SUPT3H: variants seen among roughly 807,000 people sequenced by gnomAD.
SUPT3H encodes the protein transcription initiation protein SPT3 homolog.
In SUPT3H, 44 loss-of-function variants were observed where a neutral mutation model predicts 44.3. The ratio of observed to expected loss-of-function variants is 0.99; its 90% confidence interval spans 0.78 to 1.28. SUPT3H has a LOEUF of 1.28. SUPT3H is among the 50% of genes most tolerant of loss of function. SUPT3H has a pLI of 0.00. For missense variants in SUPT3H, 380 were observed against 387.1 expected (o/e 0.98, Z 0.15); for synonymous variants, 124 against 125.6 (o/e 0.99, Z 0.09).
chr6:45,257,779 G>A (rs980764154), intron 2 of SUPT3H, among the ~76,000 whole-genome samples: 8 of 152,064 alleles, frequency 5.3e-5, no homozygotes, highest in African/African-American at 9.7e-5. Flanking sequence ...AAGCCCTGAT[G>A]GCCTCATCAC....
chr6:44,894,770 T>C (rs1488474856), intron 10 of SUPT3H, among the ~76,000 whole-genome samples: 1 of 151,678 alleles, frequency 6.6e-6, no homozygotes, highest in Non-Finnish European at 1.5e-5. Flanking sequence ...AAAATATGTA[T>C]TTTGAGAAAA....
At chr6:45,211,221 T>C (rs1293794866) in intron 2 of SUPT3H, among the ~76,000 whole-genome samples, 1 of 152,214 alleles carries the variant, frequency 6.6e-6, no homozygotes, top group African/African-American at 2.4e-5. Context: ...TTTTTATAAA[T>C]GTAAGTAAAC....
At chr6:45,176,896 A>G (rs1297576432) in intron 2 of SUPT3H, among the ~76,000 whole-genome samples, 1 of 116,818 alleles carries the variant, frequency 8.6e-6, no homozygotes, top group Non-Finnish European at 1.7e-5. Flanking sequence ...CAGAAGGGAC[A>G]TCCACACCAA....
intron 2 of SUPT3H, among the ~76,000 whole-genome samples, chr6:45,112,897 C>T (rs570889905): frequency 1.3e-5 from 2 of 151,116 alleles, no homozygotes; most frequent in Non-Finnish European, 2.9e-5. Context: ...GCTACAGACT[C>T]TAATGTGGTT....
chr6:45,264,675 A>G (rs549324767), intron 2 of SUPT3H, among the ~76,000 whole-genome samples: 2 of 152,282 alleles, frequency 1.3e-5, no homozygotes, highest in Admixed American at 1.3e-4. Flanking sequence ...TAAAATAAAT[A>G]AAACATCACT....
At chr6:44,909,643 A>C (rs1766698542) in intron 10 of SUPT3H, among the ~76,000 whole-genome samples, 1 of 152,138 alleles carries the variant, frequency 6.6e-6, no homozygotes. Context: ...CTTTTCAACC[A>C]CTATGGCACC....
intron 2 of SUPT3H, among the ~76,000 whole-genome samples, chr6:45,293,448 C>T (rs1780620706): frequency 6.6e-6 from 1 of 151,750 alleles, no homozygotes; most frequent in African/African-American, 2.4e-5. Flanking sequence ...AAGAACAAAC[C>T]AAACCCAAGC....
At chr6:45,007,737 CTTT>C (rs940243414) in intron 5 of SUPT3H, among the ~76,000 whole-genome samples, 2 of 142,568 alleles carry the variant, frequency 1.4e-5, no homozygotes. Context: ...TTCCCCCCCA[CTTT>C]TTTTTTTTTT....
intron 2 of SUPT3H, among the ~76,000 whole-genome samples, chr6:45,196,531 T>G (rs1162030309): frequency 6.6e-6 from 1 of 152,058 alleles, no homozygotes; most frequent in African/African-American, 2.4e-5. Flanking sequence ...TGAAAGACTT[T>G]CATTATGCAA....
At chr6:44,862,593 G>C (rs1012337439) in intron 10 of SUPT3H, among the ~76,000 whole-genome samples, 1 of 150,482 alleles carries the variant, frequency 6.6e-6, no homozygotes, top group East Asian at 2.0e-4. Flanking sequence ...AGGGAGAATT[G>C]CTTGAACAAG....
chr6:45,345,086 C>T (rs1184923877), intron 2 of SUPT3H, among the ~76,000 whole-genome samples: 3 of 152,156 alleles, frequency 2.0e-5, no homozygotes, highest in Non-Finnish European at 4.4e-5. Flanking sequence ...AAACTACCCA[C>T]TCATCTGCGC....
At chr6:45,275,404 T>A (rs1356566641) in intron 2 of SUPT3H, among the ~76,000 whole-genome samples, 1 of 152,246 alleles carries the variant, frequency 6.6e-6, no homozygotes, top group Non-Finnish European at 1.5e-5. Flanking sequence ...TTATGACATA[T>A]TTCTAAATTT....
At chr6:45,133,179 TA>T (rs1280019447) in intron 2 of SUPT3H, among the ~76,000 whole-genome samples, 5 of 152,214 alleles carry the variant, frequency 3.3e-5, no homozygotes, top group Non-Finnish European at 7.4e-5. Context: ...ATCAAAGTTC[TA>T]AACTTGTGGG....
intron 2 of SUPT3H, among the ~76,000 whole-genome samples, chr6:45,126,908 TA>T (rs1021229801): frequency 2.0e-5 from 3 of 152,094 alleles, no homozygotes; most frequent in Admixed American, 6.6e-5. Flanking sequence ...AAAGCTTGCC[TA>T]AAAAAAATTA....
intron 10 of SUPT3H, among the ~76,000 whole-genome samples, chr6:44,849,040 A>G (rs886919603): frequency 3.9e-5 from 6 of 152,182 alleles, no homozygotes; most frequent in African/African-American, 1.4e-4. Flanking sequence ...GCTAAGTCAT[A>G]GCTGAAGCAC....
At chr6:44,888,841 T>C (rs575132140) in intron 10 of SUPT3H, among the ~76,000 whole-genome samples, 8 of 151,046 alleles carry the variant, frequency 5.3e-5, no homozygotes, top group African/African-American at 1.9e-4. Flanking sequence ...TGTTTGCAGA[T>C]GACATGATTG....
intron 2 of SUPT3H, among the ~76,000 whole-genome samples, chr6:45,186,506 G>A (rs1441842984): frequency 2.0e-5 from 3 of 152,164 alleles, no homozygotes; most frequent in East Asian, 1.9e-4. Context: ...AAATGAACTC[G>A]CTGGATGCAC....
At chr6:45,069,402 G>T (rs1794020449) in intron 3 of SUPT3H, among the ~76,000 whole-genome samples, 1 of 152,132 alleles carries the variant, frequency 6.6e-6, no homozygotes, top group Non-Finnish European at 1.5e-5. Context: ...TCATCACCTG[G>T]TCTAATTTTA....
chr6:45,152,138 A>T (rs974434824), intron 2 of SUPT3H, among the ~76,000 whole-genome samples: 2 of 152,150 alleles, frequency 1.3e-5, no homozygotes, highest in East Asian at 3.9e-4. Context: ...TTGGTATCAT[A>T]AACAGAACAC....
Sources: allele counts gnomAD v4.1 joint callset (sites outside exome capture counted in the v4.1 genomes callset), GRCh38; gene constraint gnomAD v4.1.1; transcripts MANE v1.5; gene names NCBI Gene and HGNC (gene_info 2026-07-23, HGNC 2026-07-21).